ANKFN1: variants seen among roughly 807,000 people sequenced by gnomAD.
ANKFN1 encodes the protein ankyrin repeat and fibronectin type III domain containing 1.
Under a neutral mutation model 108.7 loss-of-function variants are expected in ANKFN1, and 74 were observed. That is an observed-to-expected ratio of 0.68 (90% CI 0.56 to 0.83). ANKFN1 has a LOEUF of 0.83. Among genes scored for constraint, ANKFN1 ranks in the 40% least tolerant of loss-of-function variants. The pLI, the probability that ANKFN1 is intolerant of heterozygous loss-of-function variation, is 0.00. For missense variants in ANKFN1, 1,505 were observed against 1,382.3 expected, an observed-to-expected ratio of 1.09 and a Z score of -1.41; for synonymous variants, 547 against 516.2, an observed-to-expected ratio of 1.06 and a Z score of -0.81.
At chr17:56,129,678 A>G (rs1189636524) in intron 4 of ANKFN1, among the ~76,000 whole-genome samples, 6 of 152,276 alleles carry the variant, frequency 3.9e-5, no homozygotes, top group African/African-American at 1.4e-4. Flanking sequence ...TTTTAAATGT[A>G]TATTGTATTT....
At chr17:56,382,795 T>C (rs1473989516) in intron 8 of ANKFN1, among the ~76,000 whole-genome samples, 1 of 152,156 alleles carries the variant, frequency 6.6e-6, no homozygotes, top group Admixed American at 6.5e-5. Flanking sequence ...TAAATATATA[T>C]GCACCCAATA....
At chr17:56,236,562 G>T (rs1917171283) in intron 3 of ANKFN1, among the ~76,000 whole-genome samples, 1 of 152,138 alleles carries the variant, frequency 6.6e-6, no homozygotes, top group Admixed American at 6.5e-5. Context: ...CTTTGCCGAA[G>T]TTGTTTATTA....
chr17:56,492,482 G>A (rs1367646332), intron 19 of ANKFN1, 129 bp downstream of exon 19: 1 of 559,998 alleles, frequency 1.8e-6, no homozygotes, highest in Admixed American at 2.8e-5. Flanking sequence ...GTTGCCTATT[G>A]AGTTGGTTAA....
intron 3 of ANKFN1, among the ~76,000 whole-genome samples, chr17:56,231,512 T>A (rs1567852855): frequency 6.6e-6 from 1 of 152,188 alleles, no homozygotes; most frequent in African/African-American, 2.4e-5. Flanking sequence ...TGCTAGGCAC[T>A]GTGCTGAAGG....
chr17:56,428,053 T>A (rs528738861), intron 8 of ANKFN1, among the ~76,000 whole-genome samples: 139 of 152,050 alleles, frequency 9.1e-4, no homozygotes, highest in African/African-American at 3.0e-3. Context: ...GCCAACATGA[T>A]GAAACCCCAT....
chr17:56,443,599 C>G lies in ANKFN1; in HGVS notation c.1099+666C>G, dbSNP rs964711613. Among the ~76,000 whole-genome samples the G allele has an allele frequency of 2.6e-5, 4 of 152,184 alleles. No individual in the cohort carries two copies. In the East Asian group the frequency reaches 7.7e-4, roughly 29 times the overall value. On this transcript the variant is annotated intron_variant, in intron 10 of 20. Coordinates refer to ENST00000682825, the MANE Select transcript of ANKFN1 (RefSeq NM_001370326.1). ...AAGCTAACAAATCTTACTGATCTGA[C>G]ACTCTGTCAGAAAAAAAGCTTTCTT...
At chr17:56,084,469 A>T (rs928561035) in intron 4 of ANKFN1, among the ~76,000 whole-genome samples, 9 of 151,548 alleles carry the variant, frequency 5.9e-5, no homozygotes, top group African/African-American at 1.9e-4. Context: ...GCTTTGCAGC[A>T]CCTTGGAGAA....
intron 3 of ANKFN1, among the ~76,000 whole-genome samples, chr17:56,300,403 C>T (rs909030921): frequency 1.2e-4 from 18 of 152,090 alleles, no homozygotes; most frequent in Non-Finnish European, 2.2e-4. Context: ...GTTGCCAAGT[C>T]CTTCTTTCCC....
intron 3 of ANKFN1, among the ~76,000 whole-genome samples, chr17:56,275,076 C>A (rs757376831): frequency 4.6e-5 from 7 of 152,134 alleles, no homozygotes; most frequent in Non-Finnish European, 1.5e-5. Flanking sequence ...TGGGACCCAA[C>A]GCCCCACCAC....
chr17:56,292,534 C>T (rs910958518), intron 3 of ANKFN1, among the ~76,000 whole-genome samples: 3 of 152,106 alleles, frequency 2.0e-5, no homozygotes, highest in African/African-American at 7.2e-5. Flanking sequence ...CCAGGTGGTC[C>T]TACGAGGACA....
intron 10 of ANKFN1, 32 bp from the exon 11 acceptor site, chr17:56,449,047 A>G (rs776335394): frequency 6.3e-7 from 1 of 1,599,504 alleles, no homozygotes; most frequent in Non-Finnish European, 8.6e-7. Flanking sequence ...CTGTTTTAAA[A>G]TTTCACTATG....
At chr17:56,468,608 C>T (rs138173783) in intron 15 of ANKFN1, among the ~76,000 whole-genome samples, 20 of 149,500 alleles carry the variant, frequency 1.3e-4, no homozygotes, top group Middle Eastern at 3.4e-3. Context: ...GTCCTGGGAG[C>T]CATCTGTGGT....
At chr17:56,219,791 C>G (rs1915710243) in intron 2 of ANKFN1, among the ~76,000 whole-genome samples, 1 of 152,154 alleles carries the variant, frequency 6.6e-6, no homozygotes, top group Admixed American at 6.5e-5. Context: ...GACCACAACT[C>G]AACTGTGAGT....
chr17:56,337,089 T>C (rs1022923659), intron 4 of ANKFN1, among the ~76,000 whole-genome samples: 7 of 152,196 alleles, frequency 4.6e-5, no homozygotes, highest in Admixed American at 1.3e-4. Context: ...AGAGACAGTT[T>C]GTTGTGATTT....
At chr17:56,386,935 G>C (rs2144851822) in intron 8 of ANKFN1, among the ~76,000 whole-genome samples, 1 of 152,094 alleles carries the variant, frequency 6.6e-6, no homozygotes, top group Admixed American at 6.5e-5. Context: ...ATTTTTCCTA[G>C]AAAATCATCA....
intron 2 of ANKFN1, among the ~76,000 whole-genome samples, chr17:56,218,828 C>A (rs1180556983): frequency 2.6e-5 from 4 of 152,192 alleles, no homozygotes; most frequent in Non-Finnish European, 2.9e-5. Context: ...AAAAAGATTT[C>A]TTGATCTTTG....
intron 4 of ANKFN1, among the ~76,000 whole-genome samples, chr17:56,086,927 A>T (rs1235774691): frequency 6.6e-6 from 1 of 151,450 alleles, no homozygotes; most frequent in Non-Finnish European, 1.5e-5. Flanking sequence ...TCTCATTATA[A>T]TTCTGCCAGG....
intron 1 of ANKFN1, among the ~76,000 whole-genome samples, chr17:56,158,422 G>T (rs953500240): frequency 1.3e-5 from 2 of 152,146 alleles, no homozygotes; most frequent in African/African-American, 4.8e-5. Flanking sequence ...CTTAGATGAG[G>T]TTACGGCCCT....
chr17:56,355,077 C>T lies in ANKFN1; in HGVS notation c.601+1031C>T, dbSNP rs138660806. Among the ~76,000 whole-genome samples, 287 of 152,110 alleles carry T rather than the reference C, an allele frequency of 1.9e-3. 5 individuals carry two copies. Among genetic ancestry groups the T allele is most frequent in the Admixed American group, 0.017 (260 of 15,248 alleles). On this transcript the variant is annotated intron_variant, in intron 6 of 20. Coordinates refer to ENST00000682825, the MANE Select transcript of ANKFN1 (RefSeq NM_001370326.1). ...GTTAACAGTTAGGTATTGTATATTA[C>T]AAAGTAGCTAGAAGAGAGGCTTTTG...
Sources: gnomAD v4.1 joint callset for allele counts (sites outside exome capture counted in the v4.1 genomes callset) on GRCh38, gnomAD v4.1.1 for gene constraint, MANE v1.5 for transcripts, NCBI Gene and HGNC (gene_info 2026-07-23, HGNC 2026-07-21) for gene names.